Variants in MAML2 observed in about 807,000 individuals in gnomAD.
The protein encoded by MAML2 is mastermind-like protein 2.
In MAML2, 22 loss-of-function variants were observed where a neutral mutation model predicts 96.1. That is an observed-to-expected ratio of 0.23 (90% CI 0.16 to 0.33). MAML2 has a LOEUF of 0.33. MAML2 is among the 10% of genes least tolerant of loss of function. The probability of loss-of-function intolerance (pLI) is 1.00; values close to 1 mark genes in which losing one functional copy is unlikely to be tolerated. For synonymous variants in MAML2, 561 were observed against 521.3 expected (o/e 1.08, Z -1.04); for missense variants, 1,367 against 1,392.4 (o/e 0.98, Z 0.29).
intron 2 of MAML2, among the ~76,000 whole-genome samples, chr11:96,002,678 ATGGGGATGGTGG>A (rs1565186330): frequency 2.8e-4 from 23 of 81,952 alleles, no homozygotes; most frequent in African/African-American, 1.2e-3. Context: ...AAGAATAATG[ATGGGGATGGTGG>A]GGAGCATGAT....
intron 2 of MAML2, among the ~76,000 whole-genome samples, chr11:96,044,355 G>A (rs747775313): frequency 7.9e-5 from 12 of 152,304 alleles, no homozygotes; most frequent in Non-Finnish European, 1.3e-4. Context: ...ATGTAGGGTG[G>A]TGGTAAAGGT....
At chr11:96,284,229 T>C (rs958850322) in intron 1 of MAML2, among the ~76,000 whole-genome samples, 3 of 152,214 alleles carry the variant, frequency 2.0e-5, no homozygotes, top group Non-Finnish European at 4.4e-5. Context: ...CCCACAAATT[T>C]CTTCCTCAAA....
intron 1 of MAML2, among the ~76,000 whole-genome samples, chr11:96,324,974 A>T (rs1224080476): frequency 6.6e-6 from 1 of 152,194 alleles, no homozygotes; most frequent in Non-Finnish European, 1.5e-5. Context: ...AGGTTTTCTC[A>T]TCTTGCCTTG....
chr11:96,007,427 G>A (rs1467171954), intron 2 of MAML2, among the ~76,000 whole-genome samples: 4 of 152,098 alleles, frequency 2.6e-5, no homozygotes, highest in African/African-American at 4.8e-5. Flanking sequence ...AATAAGGCAG[G>A]TCTATCTTGG....
intron 1 of MAML2, among the ~76,000 whole-genome samples, chr11:96,217,010 G>A (rs1409445557): frequency 2.0e-5 from 3 of 152,178 alleles, no homozygotes; most frequent in Non-Finnish European, 4.4e-5. Flanking sequence ...AATATGACTG[G>A]AGACCAGGGA....
intron 1 of MAML2, among the ~76,000 whole-genome samples, chr11:96,122,900 C>T (rs1365547051): frequency 6.6e-6 from 1 of 152,270 alleles, no homozygotes; most frequent in Non-Finnish European, 1.5e-5. Flanking sequence ...GGTGCTGGAA[C>T]AGCAGGTCTA....
At chr11:96,251,978 C>T (rs1016736801) in intron 1 of MAML2, among the ~76,000 whole-genome samples, 18 of 151,938 alleles carry the variant, frequency 1.2e-4, no homozygotes, top group Middle Eastern at 3.2e-3. Context: ...ATGATCTGCC[C>T]GCCTCAGCCT....
At chr11:96,073,167 G>A (rs575334417) in intron 2 of MAML2, among the ~76,000 whole-genome samples, 22 of 152,208 alleles carry the variant, frequency 1.4e-4, no homozygotes, top group African/African-American at 5.3e-4. Context: ...CATTCTTTGT[G>A]CTGTAAATCT....
At position 96,002,743 on chromosome 11, in the gene MAML2, TC is replaced by T. The variant is rs1367061209; in HGVS notation, c.2140-11021del. Among the ~76,000 whole-genome samples the T allele has an allele frequency of 6.5e-3, 860 of 132,970 alleles. 20 individuals carry two copies. Among genetic ancestry groups the T allele is most frequent in the East Asian group, 0.044 (190 of 4,320 alleles). The allele number at this position is 132,970 out of a possible 152,430, so 87.2% of individuals were successfully genotyped here. On this transcript the variant is annotated intron_variant, in intron 2 of 4. Coordinates refer to ENST00000524717, the MANE Select transcript of MAML2 (RefSeq NM_032427.4). ...CGATGGGGGATGATAAGAAAGATGA[TC>T]GGGATGATGAGGAGGATGATGAGGA...
chr11:96,199,750 G>A (rs1861789339), intron 1 of MAML2, among the ~76,000 whole-genome samples: 1 of 152,118 alleles, frequency 6.6e-6, no homozygotes, highest in Non-Finnish European at 1.5e-5. Context: ...CTGCTTAGTC[G>A]AAAAGGTTTC....
At chr11:96,324,205 C>T (rs1863745345) in intron 1 of MAML2, among the ~76,000 whole-genome samples, 1 of 152,206 alleles carries the variant, frequency 6.6e-6, no homozygotes, top group African/African-American at 2.4e-5. Flanking sequence ...TATTCAAATT[C>T]TGACTCCACC....
chr11:96,309,826 G>A (rs550389905), intron 1 of MAML2, among the ~76,000 whole-genome samples: 2 of 151,540 alleles, frequency 1.3e-5, no homozygotes, highest in African/African-American at 2.4e-5. Flanking sequence ...AGCCTCCCAC[G>A]TAGCTGGAAC....
chr11:96,220,395 G>A (rs193048291), intron 1 of MAML2, among the ~76,000 whole-genome samples: 84 of 152,218 alleles, frequency 5.5e-4, no homozygotes, highest in African/African-American at 1.9e-3. Context: ...TAGTGGCACC[G>A]GACATGGTGA....
rs1264594431 is a variant in MAML2 at position 96,159,404 on chromosome 11, ATTC to A, written c.514-65890_514-65888del. ...TACTAACCGTGCCTCTAAACCACTGATTCTTTTTTTTTTTTTTTTTTTTTTTGA... is the reference window on the plus strand; with the variant it reads ...TACTAACCGTGCCTCTAAACCACTGATTTTTTTTTTTTTTTTTTTTTTTGA... On this transcript the variant is annotated intron_variant, in intron 1 of 4. Transcript: ENST00000524717. 7.9e-4 allele frequency among the ~76,000 whole-genome samples: 49 copies of A among 62,010 alleles called. 6 individuals are homozygous for A. The South Asian group carries it at 0.02, about 26-fold the overall frequency. The allele number at this position is 62,010 out of a possible 152,430, so 40.7% of individuals were successfully genotyped here.
chr11:96,274,367 C>G (rs1278526056), intron 1 of MAML2, among the ~76,000 whole-genome samples: 1 of 152,046 alleles, frequency 6.6e-6, no homozygotes, highest in African/African-American at 2.4e-5. Context: ...CAGGCGTGAG[C>G]CACCGCACCT....
At chr11:96,170,501 G>T (rs929102388) in intron 1 of MAML2, among the ~76,000 whole-genome samples, 1 of 152,150 alleles carries the variant, frequency 6.6e-6, no homozygotes, top group African/African-American at 2.4e-5. Flanking sequence ...GAAAATTGAA[G>T]GTAGCTCAAA....
chr11:96,219,048 C>G (rs1167361680), intron 1 of MAML2, among the ~76,000 whole-genome samples: 2 of 152,182 alleles, frequency 1.3e-5, no homozygotes, highest in Non-Finnish European at 2.9e-5. Flanking sequence ...ACTGTCCCAC[C>G]ACGCCATTCC....
intron 1 of MAML2, among the ~76,000 whole-genome samples, chr11:96,325,057 G>C (rs540635915): frequency 3.3e-5 from 5 of 152,034 alleles, no homozygotes; most frequent in African/African-American, 9.7e-5. Context: ...TTCTAGACTT[G>C]GTGTGCCCTG....
chr11:96,298,983 T>G (rs1431666149), intron 1 of MAML2, among the ~76,000 whole-genome samples: 1 of 141,430 alleles, frequency 7.1e-6, no homozygotes, highest in African/African-American at 2.6e-5. Flanking sequence ...AGGTGGAGCT[T>G]GCAGTGAGCT....
Sources: allele counts gnomAD v4.1 joint callset (sites outside exome capture counted in the v4.1 genomes callset), GRCh38; gene constraint gnomAD v4.1.1; transcripts MANE v1.5; gene names NCBI Gene and HGNC (gene_info 2026-07-23, HGNC 2026-07-21).